RELN: variants seen among roughly 807,000 people sequenced by gnomAD.
RELN encodes reelin.
RELN carries 108 observed loss-of-function variants against 427.6 expected under a neutral mutation model. The observed-to-expected ratio is 0.25, with a 90% confidence interval of 0.22 to 0.30. RELN has a LOEUF of 0.30. Among genes scored for constraint, RELN ranks in the 10% least tolerant of loss-of-function variants. RELN has a pLI of 1.00. For synonymous variants in RELN, 1,524 were observed against 1,513.4 expected, an observed-to-expected ratio of 1.01 and a Z score of -0.16; for missense variants, 3,715 against 4,302.8, an observed-to-expected ratio of 0.86 and a Z score of 3.82.
At chr7:103,662,350 G>A (rs1358556427) in intron 11 of RELN, among the ~76,000 whole-genome samples, 3 of 152,144 alleles carry the variant, frequency 2.0e-5, no homozygotes, top group African/African-American at 7.2e-5. Context: ...CAGCAGGCAT[G>A]GTGGCTCACA....
intron 42 of RELN, among the ~76,000 whole-genome samples, chr7:103,543,193 G>A (rs1285653498): frequency 6.6e-6 from 1 of 152,186 alleles, no homozygotes; most frequent in Non-Finnish European, 1.5e-5. Context: ...TCAGAGAGTA[G>A]TTCAGGCCAT....
intron 3 of RELN, among the ~76,000 whole-genome samples, chr7:103,814,273 G>A (rs1792814927): frequency 6.6e-6 from 1 of 152,184 alleles, no homozygotes; most frequent in South Asian, 2.1e-4. Flanking sequence ...CAGAGTGGAT[G>A]GCAACAGAGA....
chr7:103,485,561 T>C (rs1828406946), intron 61 of RELN, among the ~76,000 whole-genome samples: 1 of 152,148 alleles, frequency 6.6e-6, no homozygotes, highest in Non-Finnish European at 1.5e-5. Context: ...AAAAGCTGTG[T>C]TTACTCTGGT....
At chr7:103,912,026 T>A (rs10273449) in intron 2 of RELN, among the ~76,000 whole-genome samples, 10,130 of 152,198 alleles carry the variant, frequency 0.067, 1,092 homozygotes, top group African/African-American at 0.23. Flanking sequence ...TTTCCAATAC[T>A]ATATTTTAAA....
intron 28 of RELN, among the ~76,000 whole-genome samples, chr7:103,580,771 A>T (rs1480131371): frequency 6.6e-6 from 1 of 152,158 alleles, no homozygotes; most frequent in Non-Finnish European, 1.5e-5. Flanking sequence ...CCACTGTCTC[A>T]TTCTTACGCC....
At chr7:103,625,722 A>G (rs2535755) in intron 20 of RELN, among the ~76,000 whole-genome samples, 115,601 of 151,790 alleles carry the variant, frequency 0.76, 45,290 homozygotes, top group African/African-American at 0.93. Context: ...AAAAGATAAC[A>G]TGCAAAGAAA....
intron 1 of RELN, among the ~76,000 whole-genome samples, chr7:103,969,545 A>G (rs1216985404): frequency 6.6e-6 from 1 of 152,240 alleles, no homozygotes; most frequent in Admixed American, 6.5e-5. Context: ...TTTTCTATTA[A>G]TAAATGATAC....
chr7:103,511,108 C>T (rs1480957812), intron 50 of RELN, 103 bp from the exon 51 acceptor site: 1 of 783,416 alleles, frequency 1.3e-6, no homozygotes, highest in Non-Finnish European at 2.2e-6. Context: ...GTAGAAACTG[C>T]TCATATTATA....
chr7:103,549,363 G>C (rs1385374807), intron 41 of RELN, among the ~76,000 whole-genome samples: 1 of 152,070 alleles, frequency 6.6e-6, no homozygotes, highest in Non-Finnish European at 1.5e-5. Context: ...CTTTTATAAG[G>C]GCACTGATGC....
chr7:103,724,001 T>C (rs1000657950), intron 7 of RELN, among the ~76,000 whole-genome samples: 3 of 152,128 alleles, frequency 2.0e-5, no homozygotes, highest in African/African-American at 7.2e-5. Flanking sequence ...TTTAGAGCAG[T>C]AGCTTTGACC....
At chr7:103,502,183 A>T (rs1178402107) in intron 52 of RELN, among the ~76,000 whole-genome samples, 1 of 152,230 alleles carries the variant, frequency 6.6e-6, no homozygotes, top group African/African-American at 2.4e-5. Context: ...TGTTCCTTGC[A>T]GCTGAAAGCA....
chr7:103,490,637 T>G, intron 59 of RELN, 31 bp downstream of exon 59: 2 of 1,612,444 alleles, frequency 1.2e-6, no homozygotes, highest in Non-Finnish European at 8.5e-7. Context: ...GCCAGATAAT[T>G]TCACAAAGTT....
chr7:103,483,561 C>CT, intron 62 of RELN, 92 bp downstream of exon 62: 1 of 1,361,648 alleles, frequency 7.3e-7, no homozygotes, highest in African/African-American at 1.4e-5. Flanking sequence ...GGTGCATTAA[C>CT]TTTACCCAAC....
At position 103,482,921 on chromosome 7, in the gene RELN, T is replaced by C. The variant is rs747044548; in HGVS notation, c.10232A>G (p.Asn3411Ser). 2.9e-5 allele frequency: 47 copies of C among 1,614,080 alleles called. No individual in the cohort carries two copies. The highest frequency in any genetic ancestry group is 3.7e-5 in the Non-Finnish European group (44 of 1,180,038). ...VLLRWWQPRH[N>S]GTGHDQWALD... ...AGCCCATTGATCATGACCTGTTCCA[T>C]TGTGGCGTGGTTGCCACCAGCGCAG... The change falls in exon 63 of 65, where the codon AAT becomes AGT. Residue 3411 changes from asparagine (N) to serine (S), a missense_variant. Asn to Ser is a conservative substitution (Grantham distance 46). Coordinates refer to ENST00000428762, the MANE Select transcript of RELN (RefSeq NM_005045.4).
At chr7:103,634,553 A>G (rs1363932700) in intron 19 of RELN, among the ~76,000 whole-genome samples, 2 of 152,118 alleles carry the variant, frequency 1.3e-5, no homozygotes, top group African/African-American at 4.8e-5. Flanking sequence ...CGGATACTAT[A>G]TATGATGAAA....
Position 103,472,774 on chromosome 7 carries a change from T to C in RELN, c.*38A>G. ...ATTTAAAAGAATGGAGAGCAACACA[T>C]CACATGTTGGAAGAAAAAAAATAAA... On this transcript the variant is annotated 3_prime_UTR_variant, in exon 65 of 65. Transcript: ENST00000428762. 1 of 1,455,252 alleles carries C rather than the reference T, an allele frequency of 6.9e-7. No homozygotes were observed. Among genetic ancestry groups the C allele is most frequent in the Non-Finnish European group, 9.7e-7 (1 of 1,035,710 alleles). The allele number at this position is 1,455,252 out of a possible 1,614,324, so 90.1% of individuals were successfully genotyped here.
chr7:103,541,070 C>G (rs115733311), intron 43 of RELN, among the ~76,000 whole-genome samples: 3,530 of 152,174 alleles, frequency 0.023, 127 homozygotes, highest in African/African-American at 0.081. Flanking sequence ...GGGGCAGGGA[C>G]CATGAGTGTG....
Position 103,610,721 on chromosome 7 carries a change from G to A in RELN, c.2982C>T (p.Val994=). The change falls in exon 22 of 65, where the codon GTC becomes GTT. Residue 994 remains valine (V), a synonymous_variant. Transcript: ENST00000428762. ...HASEFTQWRR[V]IVLLPQKTWS... Reference sequence around the variant, plus strand: ...AAGTTTTCTGGGGAAGAAGCACTATGACTCTCCTCCACTGTGTAAACTCAC... The same window carrying A: ...AAGTTTTCTGGGGAAGAAGCACTATAACTCTCCTCCACTGTGTAAACTCAC... 3 of 1,599,052 alleles carry A rather than the reference G, an allele frequency of 1.9e-6. No homozygotes were observed. Among genetic ancestry groups the A allele is most frequent in the Non-Finnish European group, 2.6e-6 (3 of 1,166,602 alleles).
intron 16 of RELN, among the ~76,000 whole-genome samples, chr7:103,647,049 G>A (rs925074685): frequency 3.3e-5 from 5 of 151,212 alleles, no homozygotes; most frequent in Non-Finnish European, 5.9e-5. Context: ...GGTGTAGATA[G>A]AACATACCTC....
Sources: allele counts gnomAD v4.1 joint callset (sites outside exome capture counted in the v4.1 genomes callset), GRCh38; gene constraint gnomAD v4.1.1; transcripts MANE v1.5; gene names NCBI Gene and HGNC (gene_info 2026-07-23, HGNC 2026-07-21).